TRPS1: variants seen among roughly 807,000 people sequenced by gnomAD.
TRPS1 encodes zinc finger transcription factor Trps1.
A neutral mutation model predicts 101.2 loss-of-function variants in TRPS1; 6 were observed. That is an observed-to-expected ratio of 0.06 (90% CI 0.03 to 0.12). TRPS1 has a LOEUF of 0.12. Ranked by LOEUF, TRPS1 falls within the 10% of genes least tolerant of loss-of-function variation. TRPS1 has a pLI of 1.00. For missense variants in TRPS1, 1,363 were observed against 1,567.0 expected (o/e 0.87, Z 2.20); for synonymous variants, 578 against 589.8 (o/e 0.98, Z 0.29).
intron 4 of TRPS1, among the ~76,000 whole-genome samples, chr8:115,590,632 C>T (rs560613161): frequency 1.3e-5 from 2 of 152,236 alleles, no homozygotes; most frequent in African/African-American, 4.8e-5. Context: ...GTGAAATGAC[C>T]AACCACATGT....
chr8:115,550,370 C>T (rs1236089402), intron 5 of TRPS1, among the ~76,000 whole-genome samples: 5 of 152,196 alleles, frequency 3.3e-5, no homozygotes, highest in East Asian at 3.9e-4. Flanking sequence ...GACTCTCATG[C>T]TGGCTCAGCC....
chr8:115,534,459 C>T (rs1209367652), intron 5 of TRPS1, among the ~76,000 whole-genome samples: 5 of 151,710 alleles, frequency 3.3e-5, no homozygotes, highest in Admixed American at 6.6e-5. Context: ...GCTCTAACCC[C>T]GATACCATCA....
At chr8:115,647,816 C>A (rs1811452685) in intron 1 of TRPS1, among the ~76,000 whole-genome samples, 2 of 151,822 alleles carry the variant, frequency 1.3e-5, no homozygotes. Flanking sequence ...TCAGATTGTC[C>A]TTCTTTGCCT....
Position 115,413,976 on chromosome 8 carries a change from C to T in TRPS1, c.*47G>A, listed in dbSNP as rs768316812. 3 of 1,583,150 alleles carry T rather than the reference C, an allele frequency of 1.9e-6. No individual in the cohort carries two copies. The South Asian group carries it at 3.4e-5, about 18-fold the overall frequency. On this transcript the variant is annotated 3_prime_UTR_variant, in exon 7 of 7. Coordinates refer to ENST00000395715, the MANE Select transcript of TRPS1 (RefSeq NM_014112.5). ...TAAGACATTACAAGCTATTGAATTC[C>T]CATCAAGAAAACCTATTTCTATTTA...
At chr8:115,572,321 A>G (rs1817223049) in intron 5 of TRPS1, among the ~76,000 whole-genome samples, 1 of 152,132 alleles carries the variant, frequency 6.6e-6, no homozygotes, top group Non-Finnish European at 1.5e-5. Flanking sequence ...CTAGTGTACT[A>G]TGTTTCTTAA....
intron 5 of TRPS1, among the ~76,000 whole-genome samples, chr8:115,456,762 A>C (rs1245916826): frequency 1.3e-5 from 2 of 152,146 alleles, no homozygotes; most frequent in Non-Finnish European, 2.9e-5. Flanking sequence ...GAACATGTAT[A>C]GGCATGCTTC....
chr8:115,623,192 A>T (rs1449493976), intron 2 of TRPS1, among the ~76,000 whole-genome samples: 1 of 152,034 alleles, frequency 6.6e-6, no homozygotes, highest in African/African-American at 2.4e-5. Flanking sequence ...AGCCCTTAAT[A>T]ATATACATTG....
At chr8:115,627,975 C>A (rs1416572885) in intron 1 of TRPS1, among the ~76,000 whole-genome samples, 1 of 151,774 alleles carries the variant, frequency 6.6e-6, no homozygotes, top group Non-Finnish European at 1.5e-5. Context: ...AGTTTTATTA[C>A]TATTAGTAGT....
chr8:115,539,622 G>C (rs73373215), intron 5 of TRPS1, among the ~76,000 whole-genome samples: 3,278 of 152,050 alleles, frequency 0.022, 118 homozygotes, highest in African/African-American at 0.069. Flanking sequence ...AAGACTGCTT[G>C]AGCCCATGGC....
chr8:115,476,221 G>A (rs1187213587), intron 5 of TRPS1, among the ~76,000 whole-genome samples: 1 of 29,540 alleles, frequency 3.4e-5, no homozygotes, highest in Admixed American at 3.6e-4. Context: ...GGGTTTCACC[G>A]TTTTAGCCGG....
Position 115,476,710 on chromosome 8 carries a change from C to T in TRPS1, c.2701-58258G>A, listed in dbSNP as rs559280963. Reference sequence around the variant, plus strand: ...TATATAGACTTTGCAATTTTAGGTCCTCAATATTTGCACAAAATTATGAAT... The same window carrying T: ...TATATAGACTTTGCAATTTTAGGTCTTCAATATTTGCACAAAATTATGAAT... On this transcript the variant is annotated intron_variant, in intron 5 of 6. Coordinates refer to ENST00000395715, the MANE Select transcript of TRPS1 (RefSeq NM_014112.5). Among the ~76,000 whole-genome samples, 3 of 152,246 alleles carry T rather than the reference C, an allele frequency of 2.0e-5. No homozygotes were observed. The East Asian group carries it at 5.8e-4, about 29-fold the overall frequency.
In TRPS1 at chr8:115,623,237, T is replaced by C. The variant is rs568578330; in HGVS notation, c.37+364A>G. ...TTAAACTGCTAAAACTTCAAAGAAATCTCTGAAAGGTCATTTGGGTTTTAT... is the reference window on the plus strand; with the variant it reads ...TTAAACTGCTAAAACTTCAAAGAAACCTCTGAAAGGTCATTTGGGTTTTAT... On this transcript the variant is annotated intron_variant, in intron 2 of 6. Transcript: ENST00000395715. 2.0e-5 allele frequency among the ~76,000 whole-genome samples: 3 copies of C among 152,096 alleles called. No homozygotes were observed. In the East Asian group the frequency reaches 5.8e-4, roughly 29 times the overall value.
chr8:115,666,903 T>A (rs1370299417), intron 1 of TRPS1, among the ~76,000 whole-genome samples: 2 of 147,552 alleles, frequency 1.4e-5, no homozygotes, highest in East Asian at 3.9e-4. Flanking sequence ...TTACAAAAGT[T>A]CAATGAATCT....
chr8:115,577,164 A>C (rs1363494596), intron 5 of TRPS1, among the ~76,000 whole-genome samples: 1 of 152,170 alleles, frequency 6.6e-6, no homozygotes, highest in Non-Finnish European at 1.5e-5. Flanking sequence ...TTCAATGTAC[A>C]AAAGAGGATG....
intron 5 of TRPS1, among the ~76,000 whole-genome samples, chr8:115,571,827 A>G (rs1817210128): frequency 6.6e-6 from 1 of 152,050 alleles, no homozygotes; most frequent in Non-Finnish European, 1.5e-5. Flanking sequence ...TACGGCATTC[A>G]TTTTTAAATG....
intron 5 of TRPS1, among the ~76,000 whole-genome samples, chr8:115,481,611 C>G (rs999463989): frequency 1.7e-4 from 26 of 152,146 alleles, no homozygotes; most frequent in African/African-American, 6.3e-4. Context: ...ATCTGAGCAA[C>G]TACTTTCAGT....
At chr8:115,536,554 C>A (rs1175343413) in intron 5 of TRPS1, among the ~76,000 whole-genome samples, 1 of 150,678 alleles carries the variant, frequency 6.6e-6, no homozygotes, top group Non-Finnish European at 1.5e-5. Context: ...TATTTCACAG[C>A]ATTGTAAAAT....
At chr8:115,485,087 G>A (rs1814845313) in intron 5 of TRPS1, among the ~76,000 whole-genome samples, 1 of 152,154 alleles carries the variant, frequency 6.6e-6, no homozygotes, top group South Asian at 2.1e-4. Flanking sequence ...TACAACAGGA[G>A]GTTATCCAAT....
intron 1 of TRPS1, among the ~76,000 whole-genome samples, chr8:115,662,646 T>C (rs1030212200): frequency 3.3e-5 from 5 of 150,968 alleles, no homozygotes; most frequent in Non-Finnish European, 7.4e-5. Flanking sequence ...CTGGAGAAAG[T>C]TCTGTTTGCC....
Sources: gnomAD v4.1 joint callset for allele counts (sites outside exome capture counted in the v4.1 genomes callset) on GRCh38, gnomAD v4.1.1 for gene constraint, MANE v1.5 for transcripts, NCBI Gene and HGNC (gene_info 2026-07-23, HGNC 2026-07-21) for gene names.